Variants in SPAG16 observed in about 807,000 individuals in gnomAD.
The protein encoded by SPAG16 is sperm associated antigen 16, also known as sperm-associated antigen 16 protein.
A neutral mutation model predicts 80.4 loss-of-function variants in SPAG16; 86 were observed. The ratio of observed to expected loss-of-function variants is 1.07; its 90% CI spans 0.90 to 1.28. SPAG16 has a LOEUF of 1.28. Among genes scored for constraint, SPAG16 ranks in the 50% most tolerant of loss-of-function variants. The pLI, the probability that SPAG16 is intolerant of heterozygous loss-of-function variation, is 0.00. For synonymous variants in SPAG16, 294 were observed against 265.9 expected (o/e 1.11, Z -1.03); for missense variants, 870 against 765.3 (o/e 1.14, Z -1.61).
chr2:213,743,559 T>C (rs2067681355), intron 10 of SPAG16, among the ~76,000 whole-genome samples: 1 of 152,206 alleles, frequency 6.6e-6, no homozygotes, highest in South Asian at 2.1e-4. Context: ...TTAAGACATT[T>C]AAGATATTAA....
chr2:214,357,206 A>G (rs540914035), intron 15 of SPAG16, among the ~76,000 whole-genome samples: 64 of 152,052 alleles, frequency 4.2e-4, no homozygotes, highest in African/African-American at 1.5e-3. Context: ...GATGTGCCCA[A>G]TATGAATTTC....
At chr2:214,245,403 T>C (rs538738725) in intron 15 of SPAG16, among the ~76,000 whole-genome samples, 3 of 152,282 alleles carry the variant, frequency 2.0e-5, no homozygotes, top group Non-Finnish European at 2.9e-5. Flanking sequence ...GCCTAAGTCC[T>C]GTATCTTAAT....
chr2:214,386,167 A>C (rs950719538), intron 15 of SPAG16, among the ~76,000 whole-genome samples: 3 of 152,018 alleles, frequency 2.0e-5, no homozygotes, highest in Non-Finnish European at 4.4e-5. Context: ...TTGAGCCCAG[A>C]AGTTTGAGAC....
At position 213,824,150 on chromosome 2, in the gene SPAG16, C is replaced by T. The variant is rs2073125547; in HGVS notation, c.1071-38335C>T. On this transcript the variant is annotated intron_variant, in intron 10 of 15. Coordinates refer to ENST00000331683, the MANE Select transcript of SPAG16 (RefSeq NM_024532.5). ...GCATCTGGCTAGCCAGTTTTCCCAG[C>T]ACCATTTACTGAATAGGAGATCCTT... is the stretch of plus-strand genomic sequence containing the variant. Among the ~76,000 whole-genome samples the T allele has an allele frequency of 2.0e-5, 3 of 152,324 alleles. No individual in the cohort carries two copies. In the South Asian group the frequency reaches 6.2e-4, roughly 32 times the overall value.
At chr2:214,230,581 A>G (rs761612373) in intron 15 of SPAG16, among the ~76,000 whole-genome samples, 4 of 152,060 alleles carry the variant, frequency 2.6e-5, no homozygotes, top group Non-Finnish European at 5.9e-5. Context: ...TTATAGATAC[A>G]GTAGGTTGCT....
At chr2:214,103,497 A>G (rs1215657288) in intron 13 of SPAG16, among the ~76,000 whole-genome samples, 6 of 152,212 alleles carry the variant, frequency 3.9e-5, no homozygotes, top group South Asian at 2.1e-4. Context: ...ACGTCAGGAA[A>G]TTAGATCTCA....
intron 10 of SPAG16, among the ~76,000 whole-genome samples, chr2:213,646,186 C>T (rs117525817): frequency 7.9e-5 from 12 of 152,190 alleles, no homozygotes; most frequent in East Asian, 7.7e-4. Flanking sequence ...CCTCTTTCGA[C>T]GATACAAAGT....
At chr2:214,201,350 T>C (rs1451534396) in intron 15 of SPAG16, among the ~76,000 whole-genome samples, 2 of 152,204 alleles carry the variant, frequency 1.3e-5, no homozygotes, top group Non-Finnish European at 2.9e-5. Flanking sequence ...TTAAGATATA[T>C]CCCATTTCAG....
intron 15 of SPAG16, among the ~76,000 whole-genome samples, chr2:214,326,990 T>A (rs998047766): frequency 6.8e-6 from 1 of 146,216 alleles, no homozygotes; most frequent in Non-Finnish European, 1.5e-5. Context: ...TTCTGTATAC[T>A]AGTGTTGGTC....
intron 15 of SPAG16, among the ~76,000 whole-genome samples, chr2:214,300,955 A>C (rs1233023484): frequency 1.3e-5 from 2 of 151,016 alleles, no homozygotes; most frequent in African/African-American, 4.8e-5. Flanking sequence ...ACACAACAAC[A>C]ACAAAAGCTA....
intron 10 of SPAG16, among the ~76,000 whole-genome samples, chr2:213,549,803 C>T (rs914989674): frequency 1.3e-5 from 2 of 152,096 alleles, no homozygotes; most frequent in Non-Finnish European, 2.9e-5. Context: ...TTTAAAAAGG[C>T]ATTTTAATTG....
intron 15 of SPAG16, among the ~76,000 whole-genome samples, chr2:214,219,070 A>G (rs2058500627): frequency 6.6e-6 from 1 of 152,228 alleles, no homozygotes; most frequent in Non-Finnish European, 1.5e-5. Flanking sequence ...TTGGTTTACT[A>G]TTTATGAAAT....
intron 11 of SPAG16, among the ~76,000 whole-genome samples, chr2:213,917,875 G>T (rs2078041168): frequency 1.3e-5 from 2 of 152,166 alleles, no homozygotes; most frequent in Non-Finnish European, 2.9e-5. Flanking sequence ...AAGACTTCCA[G>T]CTTTTGCCCA....
In SPAG16 at chr2:213,980,725, T is replaced by TAGAGAGAG. The variant is rs1553686631; in HGVS notation, c.1401-33199_1401-33192dup. On this transcript the variant is annotated intron_variant, in intron 12 of 15. Coordinates refer to ENST00000331683, the MANE Select transcript of SPAG16 (RefSeq NM_024532.5). The stretch of plus-strand genomic sequence containing the variant: ...GTGTGTGTGTGTGTATATATATATA[T>TAGAGAGAG]AGAGAGAGAGAGAGAGAGAGAGAGA... Among the ~76,000 whole-genome samples, 487 of 103,966 alleles carry TAGAGAGAG rather than the reference T, an allele frequency of 4.7e-3. 7 individuals are homozygous for TAGAGAGAG. The highest frequency in any genetic ancestry group is 7.0e-3 in the African/African-American group (141 of 20,082). 68.2% of individuals were successfully genotyped at this position (103,966 alleles called of 152,430 possible).
intron 10 of SPAG16, among the ~76,000 whole-genome samples, chr2:213,705,127 A>G (rs1411361350): frequency 1.3e-5 from 2 of 152,094 alleles, no homozygotes; most frequent in South Asian, 2.1e-4. Flanking sequence ...GGGTGCCTAT[A>G]GTCGCAGCTA....
chr2:213,583,351 T>C (rs2060357615), intron 10 of SPAG16, among the ~76,000 whole-genome samples: 1 of 152,218 alleles, frequency 6.6e-6, no homozygotes. Flanking sequence ...ATTTTCTCAA[T>C]TTTTTGACAT....
chr2:213,991,926 T>C (rs1156547564), intron 12 of SPAG16, among the ~76,000 whole-genome samples: 1 of 151,864 alleles, frequency 6.6e-6, no homozygotes, highest in South Asian at 2.1e-4. Flanking sequence ...ACTGCTGTCA[T>C]GTAGTGGGTG....
intron 14 of SPAG16, among the ~76,000 whole-genome samples, chr2:214,143,275 A>G (rs1420109812): frequency 2.4e-5 from 3 of 124,904 alleles, no homozygotes; most frequent in South Asian, 2.4e-4. Flanking sequence ...ATATATGTAT[A>G]TATCTGTATA....
At chr2:213,573,841 A>G (rs965138821) in intron 10 of SPAG16, among the ~76,000 whole-genome samples, 2 of 152,226 alleles carry the variant, frequency 1.3e-5, no homozygotes, top group Non-Finnish European at 2.9e-5. Flanking sequence ...CCACATGATG[A>G]TATTTATGAA....
Sources: gnomAD v4.1 joint callset for allele counts (sites outside exome capture counted in the v4.1 genomes callset) on GRCh38, gnomAD v4.1.1 for gene constraint, MANE v1.5 for transcripts, NCBI Gene and HGNC (gene_info 2026-07-23, HGNC 2026-07-21) for gene names.